Variants in ATP6AP1 observed in about 807,000 individuals in gnomAD.
ATP6AP1 encodes the protein V-type proton ATPase subunit S1.
In ATP6AP1, 1 loss-of-function variant was observed where a neutral mutation model predicts 32.0. The observed-to-expected ratio is 0.03, with a 90% confidence interval of 0.01 to 0.15. The LOEUF is 0.15. Among genes scored for constraint, ATP6AP1 ranks in the 10% least tolerant of loss-of-function variants. The pLI is 1.00. For missense variants in ATP6AP1, 297 were observed against 398.8 expected (o/e 0.74, Z 2.17); for synonymous variants, 187 against 174.9 (o/e 1.07, Z -0.55).
At chrX:154,431,510 C>T (rs1430426118) in intron 2 of ATP6AP1, 14 of 154,306 alleles carry the variant, frequency 9.1e-5, no homozygotes, top group South Asian at 4.7e-4. Flanking sequence ...CTTCCCTGTT[C>T]CCTCCCCAGT....
Position 154,435,908 on chromosome X carries a change from G to A in ATP6AP1, c.*17G>A, listed in dbSNP as rs782136759. On this transcript the variant is annotated 3_prime_UTR_variant, in exon 10 of 10. Transcript: ENST00000369762. Reference sequence around the variant, plus strand: ...ATTGTGTGACCCTGTGCCAGTGGGGGGGTTGAGGGTGGGACGGTGTCCGTG... The same window carrying A: ...ATTGTGTGACCCTGTGCCAGTGGGGAGGTTGAGGGTGGGACGGTGTCCGTG... The A allele has an allele frequency of 1.7e-6, 2 of 1,193,038 alleles. No homozygotes were observed. The highest frequency in any genetic ancestry group is 2.3e-6 in the Non-Finnish European group (2 of 880,433).
At position 154,432,597 on chromosome X, in the gene ATP6AP1, G is replaced by T. The variant is rs781961520; in HGVS notation, c.557+138G>T. ...TCACAGCCCTTCCAGAAGGTGCCCT[G>T]TGTGGCCAGAAGAGGAGGGGAGGGC... On this transcript the variant is annotated intron_variant, in intron 4 of 9. Coordinates refer to ENST00000369762, the MANE Select transcript of ATP6AP1 (RefSeq NM_001183.6). 2.9e-5 allele frequency: 26 copies of T among 910,067 alleles called. No individual in the cohort carries two copies. The South Asian group carries it at 6.0e-4, about 21-fold the overall frequency. The allele number at this position is 910,067 out of a possible 1,213,427, so 75.0% of individuals were successfully genotyped here.
At position 154,435,671 on chromosome X, in the gene ATP6AP1, G is replaced by T; in HGVS notation, c.1204-11G>T. On this transcript the variant is annotated splice_polypyrimidine_tract_variant and intron_variant, in intron 9 of 9. Coordinates refer to ENST00000369762, the MANE Select transcript of ATP6AP1 (RefSeq NM_001183.6). ...ACGGTCCTTTCTGACCCGTGTCTGT[G>T]TGTCTGCCAGATCCAGGCTTTCAAC... is the stretch of plus-strand genomic sequence containing the variant. 8.3e-7 allele frequency: 1 copy of T among 1,210,987 alleles called. No homozygotes were observed. The highest frequency in any genetic ancestry group is 1.1e-6 in the Non-Finnish European group (1 of 894,781).
intron 5 of ATP6AP1, 102 bp downstream of exon 5, chrX:154,433,073 G>C (rs1469183286): frequency 1.0e-6 from 1 of 998,734 alleles, no homozygotes. Flanking sequence ...TCCCAGGGTG[G>C]CCCGCCTGCT....
rs1557197624 is a variant in ATP6AP1, at chrX:154,435,930, C to T, written c.*39C>T. 1.7e-6 allele frequency: 2 copies of T among 1,151,270 alleles called. No individual in the cohort carries two copies. The highest frequency in any genetic ancestry group is 2.2e-5 in the Admixed American group (1 of 45,676). 94.9% of individuals were successfully genotyped at this position (1,151,270 alleles called of 1,213,427 possible). ...GGGGGGTTGAGGGTGGGACGGTGTC[C>T]GTGTTGTTGCTTTCCCACCCTGCAG... is the stretch of plus-strand genomic sequence containing the variant. On this transcript the variant is annotated 3_prime_UTR_variant, in exon 10 of 10. Coordinates refer to ENST00000369762, the MANE Select transcript of ATP6AP1 (RefSeq NM_001183.6).
At chrX:154,432,225 G>C (rs1433757710) in intron 3 of ATP6AP1, 41 bp from the exon 4 acceptor site, 28 of 1,132,936 alleles carry the variant, frequency 2.5e-5, no homozygotes, top group Non-Finnish European at 3.3e-5. Flanking sequence ...AGGCCCACTG[G>C]CCCCTGGCTA....
In ATP6AP1 at chrX:154,432,490, C is replaced by T. The variant is rs782724094; in HGVS notation, c.557+31C>T. The T allele has an allele frequency of 1.4e-5, 16 of 1,146,990 alleles. No individual in the cohort carries two copies. The South Asian group carries it at 2.8e-4, about 20-fold the overall frequency. 94.5% of individuals were successfully genotyped at this position (1,146,990 alleles called of 1,213,427 possible). On this transcript the variant is annotated intron_variant, in intron 4 of 9. Coordinates refer to ENST00000369762, the MANE Select transcript of ATP6AP1 (RefSeq NM_001183.6). ...GCCCGCATGGCCCAGCCACCAGCCT[C>T]GGGGCCCAGAGAGCAGCAAGGCCCT...
At position 154,433,708 on chromosome X, in the gene ATP6AP1, C is replaced by A. The variant is rs782642386; in HGVS notation, c.672C>A (p.Val224=). The change falls in exon 6 of 10, where the codon GTC becomes GTA. Residue 224 remains valine, a synonymous_variant. Transcript: ENST00000369762. ...CATACACAGCGGCCCTCACAGCGGT[C>A]CGCCCTTCCAGGGTATGTGCCCTTC... ...DVPYTAALTA[V]RPSRVARDVA... is the part of the protein sequence containing the mutation. 1.1e-5 allele frequency: 13 copies of A among 1,211,220 alleles called. No homozygotes were observed. In the South Asian group the frequency reaches 1.9e-4, roughly 18 times the overall value.
In ATP6AP1 at chrX:154,432,926, C is replaced by T; in HGVS notation, c.558-5C>T. On this transcript the variant is annotated splice_polypyrimidine_tract_variant and splice_region_variant and intron_variant, in intron 4 of 9. Coordinates refer to ENST00000369762, the MANE Select transcript of ATP6AP1 (RefSeq NM_001183.6). ...GGACTCTGGCGCTCTGTTTGTCTTCCATAGCTCTGGTCTGATGGCACCCAG... is the reference window on the plus strand; with the variant it reads ...GGACTCTGGCGCTCTGTTTGTCTTCTATAGCTCTGGTCTGATGGCACCCAG... 2 of 1,211,718 alleles carry T rather than the reference C, an allele frequency of 1.7e-6. No individual in the cohort carries two copies. The highest frequency in any genetic ancestry group is 2.2e-6 in the Non-Finnish European group (2 of 895,396).
At position 154,428,705 on chromosome X, in the gene ATP6AP1, A is replaced by G. The variant is rs1188595076; in HGVS notation, c.13A>G (p.Met5Val). MMAA[M>V]ATARVRMGPR... is the part of the protein sequence containing the mutation. Reference sequence around the variant, plus strand: ...GGAGGCTGAGGCTATGATGGCGGCCATGGCGACGGCTCGAGTGCGGATGGG... The same window carrying G: ...GGAGGCTGAGGCTATGATGGCGGCCGTGGCGACGGCTCGAGTGCGGATGGG... Residue 5 changes from methionine to valine, a missense_variant, in exon 1 of 10, where the codon ATG becomes GTG. By Grantham distance (21) the Met-to-Val change is conservative. Coordinates refer to ENST00000369762, the MANE Select transcript of ATP6AP1 (RefSeq NM_001183.6). 7.8e-6 allele frequency: 9 copies of G among 1,149,523 alleles called. No homozygotes were observed. Among genetic ancestry groups the G allele is most frequent in the Admixed American group, 5.3e-5 (2 of 38,078 alleles). 94.7% of individuals were successfully genotyped at this position (1,149,523 alleles called of 1,213,427 possible).
chrX:154,432,129 C>A, intron 3 of ATP6AP1, 137 bp from the exon 4 acceptor site: 1 of 697,272 alleles, frequency 1.4e-6, no homozygotes, highest in Non-Finnish European at 2.1e-6. Context: ...ATGTCAGGGG[C>A]TGGGGTGTGG....
At chrX:154,434,140 G>A (rs1289035368) in intron 6 of ATP6AP1, 68 bp from the exon 7 acceptor site, 15 of 1,073,709 alleles carry the variant, frequency 1.4e-5, no homozygotes, top group South Asian at 1.3e-4. Context: ...AGGAGGGCAC[G>A]ACAATTGGGT....
chrX:154,432,155 A>G, intron 3 of ATP6AP1, 111 bp from the exon 4 acceptor site: 1 of 817,643 alleles, frequency 1.2e-6, no homozygotes, highest in Non-Finnish European at 1.7e-6. Context: ...TTTCTTGGTG[A>G]GCCTTTATGG....
chrX:154,432,172 C>A, intron 3 of ATP6AP1, 94 bp from the exon 4 acceptor site: 1 of 909,330 alleles, frequency 1.1e-6, no homozygotes, highest in Non-Finnish European at 1.5e-6. Context: ...ATGGGTATGG[C>A]TTGCCAGAGG....
In ATP6AP1 at chrX:154,431,883, C is replaced by G; in HGVS notation, c.342C>G (p.Asp114Glu). Residue 114 changes from aspartate to glutamate, a missense_variant, in exon 3 of 10, where the codon GAC becomes GAG. Around this residue, in one of 2 missense-constraint regions of ATP6AP1, gnomAD observed 142 missense variants for 145.0 expected, o/e 0.98. Transcript: ENST00000369762. ...AYGGVFGNKQ[D>E]SAFSNLENAL... is the part of the protein sequence containing the mutation. Reference sequence around the variant, plus strand: ...GCGGTGTGTTTGGAAACAAGCAGGACAGCGCCTTTTCTAACCTAGAGGTGA... The same window carrying G: ...GCGGTGTGTTTGGAAACAAGCAGGAGAGCGCCTTTTCTAACCTAGAGGTGA... The G allele has an allele frequency of 1.7e-6, 2 of 1,211,729 alleles. No individual in the cohort carries two copies. Among genetic ancestry groups the G allele is most frequent in the Non-Finnish European group, 2.2e-6 (2 of 895,489 alleles).
At chrX:154,434,549 G>A in intron 7 of ATP6AP1, 103 bp downstream of exon 7, 1 of 837,222 alleles carries the variant, frequency 1.2e-6, no homozygotes, top group Non-Finnish European at 1.7e-6. Context: ...TGTGTTTTGG[G>A]GTGGGGATGG....
Position 154,429,254 on chromosome X carries a change from C to T in ATP6AP1, c.288+80C>T, listed in dbSNP as rs1043732506. ...TCCCCCCATGACACTGACGCCCATTCCCCAAGGGAAGCTTCAGTGACCTTG... is the reference window on the plus strand; with the variant it reads ...TCCCCCCATGACACTGACGCCCATTTCCCAAGGGAAGCTTCAGTGACCTTG... On this transcript the variant is annotated intron_variant, in intron 2 of 9. Transcript: ENST00000369762. 7 of 1,117,181 alleles carry T rather than the reference C, an allele frequency of 6.3e-6. No homozygotes were observed. The African/African-American group carries it at 9.1e-5, about 14-fold the overall frequency. 92.1% of individuals were successfully genotyped at this position (1,117,181 alleles called of 1,213,427 possible). A position where few individuals can be genotyped will look rare whatever the true frequency, so the allele number is the denominator to read the frequency against.
chrX:154,429,395 A>G (rs781906882), intron 2 of ATP6AP1: 8 of 429,410 alleles, frequency 1.9e-5, no homozygotes, highest in Non-Finnish European at 2.9e-5. Context: ...GCGACGGACC[A>G]GAGGCCAGGT....
At position 154,436,143 on chromosome X, in the gene ATP6AP1, G is replaced by A. The variant is rs912232050; in HGVS notation, c.*252G>A. 3 of 404,975 alleles carry A rather than the reference G, an allele frequency of 7.4e-6. No homozygotes were observed. The highest frequency in any genetic ancestry group is 4.2e-5 in the South Asian group (1 of 23,805). 33.4% of individuals were successfully genotyped at this position (404,975 alleles called of 1,213,427 possible). On this transcript the variant is annotated 3_prime_UTR_variant, in exon 10 of 10. Transcript: ENST00000369762. ...TTCCCAGGGTTCGTCGCTGTGAGGC[G>A]TAAGGGACATGAATTCTAGGGTCTC...
Sources: gnomAD v4.1 joint callset for allele counts on GRCh38, gnomAD v4.1.1 for gene constraint, gnomAD v4.1.1 regional missense constraint, MANE v1.5 for transcripts, NCBI Gene and HGNC (gene_info 2026-07-23, HGNC 2026-07-21) for gene names.